Variants in MCM3AP observed in about 807,000 individuals in gnomAD.
MCM3AP encodes minichromosome maintenance complex component 3 associated protein.
Under a neutral mutation model 184.1 loss-of-function variants are expected in MCM3AP, and 126 were observed. The observed-to-expected ratio is 0.68, with a 90% CI of 0.59 to 0.79. The LOEUF (loss-of-function observed/expected upper bound fraction) is 0.79, where lower values mean the gene tolerates loss of function less well. Among genes scored for constraint, MCM3AP ranks in the 30% least tolerant of loss-of-function variants. MCM3AP has a pLI of 0.00. For missense variants in MCM3AP, 2,496 were observed against 2,479.2 expected (o/e 1.01, Z -0.14); for synonymous variants, 1,002 against 979.3 (o/e 1.02, Z -0.43).
chr21:46,278,747 C>T (rs1296962891), intron 4 of MCM3AP, among the ~76,000 whole-genome samples: 2 of 151,870 alleles, frequency 1.3e-5, no homozygotes, highest in African/African-American at 4.8e-5. Flanking sequence ...AATCTCGGCT[C>T]ACTGCAAGCT....
At chr21:46,248,013 T>A (rs2080803999) in intron 20 of MCM3AP, among the ~76,000 whole-genome samples, 1 of 152,162 alleles carries the variant, frequency 6.6e-6, no homozygotes, top group African/African-American at 2.4e-5. Context: ...GATGAGGGAT[T>A]CTGATACATT....
intron 5 of MCM3AP, among the ~76,000 whole-genome samples, chr21:46,275,767 T>C (rs1045861932): frequency 6.6e-6 from 1 of 152,188 alleles, no homozygotes; most frequent in Non-Finnish European, 1.5e-5. Flanking sequence ...ATTCAAAATA[T>C]ATCACTATTC....
Position 46,254,492 on chromosome 21 carries a change from G to A in MCM3AP, c.4036C>T (p.Leu1346Phe), listed in dbSNP as rs2080918122. The change falls in exon 19 of 28, where the codon CTC (leucine) becomes TTC (phenylalanine). Residue 1346 changes from leucine to phenylalanine, a missense_variant. By Grantham distance (22) the Leu-to-Phe change is conservative. Coordinates refer to ENST00000291688, the MANE Select transcript of MCM3AP (RefSeq NM_003906.5). Reference protein sequence around the residue: ...VAWASLDLPSLVAEHLPGRQE... With the variant: ...VAWASLDLPSFVAEHLPGRQE... ...CTCCCAGGGAGGTGCTCAGCCACGA[G>A]GGATGGCAGGTCCAGAGACGCCCAT... 1 of 1,614,154 alleles carries A rather than the reference G, an allele frequency of 6.2e-7. No individual in the cohort carries two copies. The highest frequency in any genetic ancestry group is 1.1e-5 in the South Asian group (1 of 91,090).
At chr21:46,245,894 C>CTGAA (rs1474206371) in intron 22 of MCM3AP, among the ~76,000 whole-genome samples, 1 of 152,152 alleles carries the variant, frequency 6.6e-6, no homozygotes. Context: ...TGTATCTGAC[C>CTGAA]TTCAGATATA....
intron 26 of MCM3AP, among the ~76,000 whole-genome samples, chr21:46,240,190 G>GCTGA (rs2080632877): frequency 6.6e-6 from 1 of 152,114 alleles, no homozygotes. Context: ...CCAGGGAAGG[G>GCTGA]CTGACTGACT....
intron 8 of MCM3AP, 94 bp downstream of exon 8, chr21:46,272,467 C>T: frequency 8.0e-7 from 1 of 1,252,134 alleles, no homozygotes; most frequent in Non-Finnish European, 1.1e-6. Flanking sequence ...CAGAATGCTG[C>T]ACTATTGGCT....
intron 26 of MCM3AP, 91 bp from the exon 27 acceptor site, chr21:46,237,070 T>A: frequency 1.6e-6 from 1 of 609,820 alleles, no homozygotes; most frequent in Non-Finnish European, 2.5e-6. Flanking sequence ...AAAAACTTTT[T>A]AAGCCTTTGC....
At chr21:46,276,974 T>C (rs1354457409) in intron 5 of MCM3AP, among the ~76,000 whole-genome samples, 4 of 151,472 alleles carry the variant, frequency 2.6e-5, no homozygotes, top group Non-Finnish European at 5.9e-5. Flanking sequence ...AGTCTTTAAC[T>C]CCTGACCTCA....
chr21:46,250,083 C>G (rs1173035673), intron 20 of MCM3AP: 3 of 152,608 alleles, frequency 2.0e-5, no homozygotes, highest in Non-Finnish European at 4.4e-5. Flanking sequence ...AAAACTCTAC[C>G]GAGATATATA....
At position 46,270,508 on chromosome 21, in the gene MCM3AP, C is replaced by T. The variant is rs2081165504; in HGVS notation, c.2521G>A (p.Val841Ile). The T allele has an allele frequency of 6.2e-7, 1 of 1,613,738 alleles. No individual in the cohort carries two copies. The highest frequency in any genetic ancestry group is 1.3e-5 in the African/African-American group (1 of 75,026). ...VRNSSEVKFAVQAFAALNSNN... is the reference protein window; with the variant it reads ...VRNSSEVKFAIQAFAALNSNN... Reference sequence around the variant, plus strand: ...CTGTTCAATGCAGCAAAAGCCTGAACAGCAAATTTCACCTCAGATGAGTTT... The same window carrying T: ...CTGTTCAATGCAGCAAAAGCCTGAATAGCAAATTTCACCTCAGATGAGTTT... The change falls in exon 9 of 28, where the codon GTT becomes ATT. Residue 841 changes from valine to isoleucine, a missense_variant. Val to Ile is a conservative substitution (Grantham distance 29, BLOSUM62 3). Around this residue, in one of 5 missense-constraint regions of MCM3AP, gnomAD observed 138 missense variants for 191.9 expected, o/e 0.72. Transcript: ENST00000291688.
chr21:46,254,734 G>C (rs764596025), intron 18 of MCM3AP, 42 bp downstream of exon 18: 21 of 1,575,650 alleles, frequency 1.3e-5, no homozygotes, highest in Non-Finnish European at 1.8e-5. Context: ...TTGGGGAACG[G>C]GGATCACCAG....
At position 46,235,237 on chromosome 21, in the gene MCM3AP, G is replaced by C; in HGVS notation, c.*31C>G. 6.2e-7 allele frequency: 1 copy of C among 1,610,472 alleles called. No homozygotes were observed. Among genetic ancestry groups the C allele is most frequent in the Non-Finnish European group, 8.5e-7 (1 of 1,177,210 alleles). ...TTTGAGTAAAAACAGAAACTCTTCG[G>C]GAGAGACCCCCTCCCCACAGGTCAG... On this transcript the variant is annotated 3_prime_UTR_variant, in exon 28 of 28. Coordinates refer to ENST00000291688, the MANE Select transcript of MCM3AP (RefSeq NM_003906.5).
At chr21:46,254,973 C>G (rs2080926802) in intron 17 of MCM3AP, 129 bp from the exon 18 acceptor site, 1 of 706,256 alleles carries the variant, frequency 1.4e-6, no homozygotes, top group Non-Finnish European at 2.6e-6. Flanking sequence ...TAGAGGATTC[C>G]TTCATTCCAC....
intron 4 of MCM3AP, among the ~76,000 whole-genome samples, chr21:46,279,030 G>T (rs929069536): frequency 1.5e-4 from 22 of 151,100 alleles, no homozygotes; most frequent in African/African-American, 5.1e-4. Context: ...ACTGCTGAAA[G>T]TGATTATTAG....
intron 19 of MCM3AP, chr21:46,253,995 T>C: frequency 4.1e-6 from 1 of 245,500 alleles, no homozygotes; most frequent in Non-Finnish European, 8.0e-6. Context: ...CATCTCCCCC[T>C]TCTCTCTCTC....
At position 46,272,736 on chromosome 21, in the gene MCM3AP, C is replaced by T; in HGVS notation, c.2290G>A (p.Glu764Lys). The change falls in exon 8 of 28, where the codon GAG becomes AAG. Residue 764 changes from glutamate to lysine, a missense_variant. Physicochemically the swap from Glu to Lys is moderately conservative, Grantham distance 56. Transcript: ENST00000291688. ...GCATCAAAGGAGGACATGGGCTCCT[C>T]ACACATGAAGTGGGCACAGTGGATG... ...FHIHCAHFMC[E>K]EPMSSFDAKI... 6.2e-7 allele frequency: 1 copy of T among 1,614,096 alleles called. No individual in the cohort carries two copies. Among genetic ancestry groups the T allele is most frequent in the Non-Finnish European group, 8.5e-7 (1 of 1,179,990 alleles).
rs1270709687 is a variant in MCM3AP at position 46,285,090 on chromosome 21, T to C, written c.197A>G (p.His66Arg). Reference protein sequence around the residue: ...SSFPASSGVSHSSSVQTLGFT... With the variant: ...SSFPASSGVSRSSSVQTLGFT... ...CCCTAATGTTTGCACTGAAGAGGAA[T>C]GACTTACTCCAGAAGACGCTGGAAA... Residue 66 changes from histidine to arginine, a missense_variant, in exon 1 of 28, where the codon CAT (histidine) becomes CGT (arginine). Physicochemically the swap from His to Arg is conservative, Grantham distance 29. Around this residue, in one of 5 missense-constraint regions of MCM3AP, gnomAD observed 800 missense variants for 717.1 expected, o/e 1.12. Coordinates refer to ENST00000291688, the MANE Select transcript of MCM3AP (RefSeq NM_003906.5). 4.3e-6 allele frequency: 7 copies of C among 1,614,192 alleles called. No individual in the cohort carries two copies. In the South Asian group the frequency reaches 6.6e-5, roughly 15 times the overall value.
At chr21:46,258,835 C>A (rs768778921) in intron 16 of MCM3AP, 104 bp downstream of exon 16, 175 of 1,259,908 alleles carry the variant, frequency 1.4e-4, no homozygotes, top group Non-Finnish European at 1.9e-4. Context: ...TTTCCCTCAT[C>A]CTTTTACCAC....
At chr21:46,282,901 G>T (rs13046891) in intron 2 of MCM3AP, among the ~76,000 whole-genome samples, 1 of 152,128 alleles carries the variant, frequency 6.6e-6, no homozygotes, top group Non-Finnish European at 1.5e-5. Context: ...CTAGAGGACA[G>T]ACTGACAAGG....
Sources: allele counts gnomAD v4.1 joint callset (sites outside exome capture counted in the v4.1 genomes callset), GRCh38; gene constraint gnomAD v4.1.1; regional missense constraint gnomAD v4.1.1; transcripts MANE v1.5; gene names NCBI Gene and HGNC (gene_info 2026-07-23, HGNC 2026-07-21).